The following WWOX variants were observed in gnomAD, a reference collection of about 807,000 sequenced individuals.
The protein encoded by WWOX is WW domain containing oxidoreductase.
A neutral mutation model predicts 46.2 loss-of-function variants in WWOX; 69 were observed. The ratio of observed to expected loss-of-function variants is 1.49; its 90% CI spans 1.23 to 1.82. The LOEUF is 1.82. WWOX is among the 40% of genes most tolerant of loss of function. The pLI is 0.00. For synonymous variants in WWOX, 359 were observed against 202.6 expected (o/e 1.77, Z -6.56); for missense variants, 919 against 542.6 (o/e 1.69, Z -6.89).
intron 8 of WWOX, among the ~76,000 whole-genome samples, chr16:78,483,422 ATTTTTTT>A (rs367626448): frequency 2.1e-4 from 28 of 133,900 alleles, no homozygotes; most frequent in Non-Finnish European, 3.4e-4. Context: ...TCTGCGTAGA[ATTTTTTT>A]TTTTTTTTTT....
chr16:78,526,527 C>T (rs1006210001), intron 8 of WWOX: 1 of 152,224 alleles, frequency 6.6e-6, no homozygotes, highest in Admixed American at 6.6e-5. Flanking sequence ...AACTTAATCT[C>T]CCTTTTCCAT....
At chr16:78,260,164 G>C (rs1163082667) in intron 5 of WWOX, among the ~76,000 whole-genome samples, 1 of 151,366 alleles carries the variant, frequency 6.6e-6, no homozygotes, top group Non-Finnish European at 1.5e-5. Context: ...AGCCTCCACA[G>C]GTGACACCTC....
intron 8 of WWOX, among the ~76,000 whole-genome samples, chr16:78,599,403 C>G (rs2045568695): frequency 6.6e-6 from 1 of 152,178 alleles, no homozygotes; most frequent in Non-Finnish European, 1.5e-5. Context: ...GGCCTGCTGC[C>G]CTGCCCCCGC....
At chr16:78,987,543 A>G (rs1214028067) in intron 8 of WWOX, among the ~76,000 whole-genome samples, 3 of 152,166 alleles carry the variant, frequency 2.0e-5, no homozygotes, top group Non-Finnish European at 2.9e-5. Context: ...GTGAGAGTTT[A>G]AAGCTTTCCT....
chr16:78,527,564 G>A (rs985567538), intron 8 of WWOX, among the ~76,000 whole-genome samples: 4 of 152,116 alleles, frequency 2.6e-5, no homozygotes, highest in Admixed American at 2.6e-4. Context: ...AAAGTGCTGG[G>A]ATTACAGGCA....
chr16:78,422,246 T>A (rs985802830), intron 6 of WWOX, among the ~76,000 whole-genome samples: 1 of 152,178 alleles, frequency 6.6e-6, no homozygotes, highest in Non-Finnish European at 1.5e-5. Context: ...TCCACTGTTT[T>A]AGAGAGCAGA....
At chr16:79,153,910 G>A (rs2150736871) in intron 8 of WWOX, among the ~76,000 whole-genome samples, 1 of 152,222 alleles carries the variant, frequency 6.6e-6, no homozygotes, top group Middle Eastern at 3.4e-3. Context: ...GCGTTTTCCA[G>A]GCCTGCTGTC....
At chr16:78,879,188 C>T (rs190467067) in intron 8 of WWOX, among the ~76,000 whole-genome samples, 16 of 152,230 alleles carry the variant, frequency 1.1e-4, no homozygotes, top group Non-Finnish European at 1.6e-4. Context: ...TCATCTTTCA[C>T]GGTCATAGAC....
At chr16:78,224,055 A>T (rs1354119051) in intron 5 of WWOX, among the ~76,000 whole-genome samples, 1 of 152,104 alleles carries the variant, frequency 6.6e-6, no homozygotes, top group Non-Finnish European at 1.5e-5. Context: ...CCAGGCAGGA[A>T]TGCAGTGGGG....
intron 8 of WWOX, among the ~76,000 whole-genome samples, chr16:78,691,931 C>T (rs895193499): frequency 5.9e-5 from 9 of 152,194 alleles, no homozygotes; most frequent in Non-Finnish European, 7.3e-5. Flanking sequence ...ATGCTATTCT[C>T]ATAATAGTGA....
intron 8 of WWOX, among the ~76,000 whole-genome samples, chr16:78,774,270 A>G (rs566187002): frequency 6.6e-6 from 1 of 152,246 alleles, no homozygotes; most frequent in South Asian, 2.1e-4. Flanking sequence ...GCGTGGTAGC[A>G]GGCGCCTGTA....
At position 78,561,046 on chromosome 16, in the gene WWOX, T is replaced by C. The variant is rs183505782; in HGVS notation, c.1056+128294T>C. ...TGGAGGAACATCCTTTCCTGCATGC[T>C]CTGTGGAAGAATCCACTGCCAAGCT... On this transcript the variant is annotated intron_variant, in intron 8 of 8. Transcript: ENST00000566780. 4.6e-3 allele frequency among the ~76,000 whole-genome samples: 697 copies of C among 152,292 alleles called. 6 individuals carry two copies. Among genetic ancestry groups the C allele is most frequent in the Non-Finnish European group, 7.2e-3 (492 of 68,022 alleles).
intron 6 of WWOX, among the ~76,000 whole-genome samples, chr16:78,396,567 C>A (rs1828913183): frequency 1.3e-5 from 2 of 152,168 alleles, no homozygotes; most frequent in Admixed American, 1.3e-4. Context: ...TGTCTTTTCC[C>A]ACTCCTCACA....
intron 8 of WWOX, among the ~76,000 whole-genome samples, chr16:79,060,994 G>A (rs1037468966): frequency 5.9e-5 from 9 of 152,202 alleles, no homozygotes; most frequent in Admixed American, 1.3e-4. Context: ...GCTGAAGCTT[G>A]CACAGCTAGT....
intron 8 of WWOX, among the ~76,000 whole-genome samples, chr16:78,794,402 A>C (rs2050685474): frequency 1.3e-5 from 2 of 152,178 alleles, no homozygotes; most frequent in Admixed American, 1.3e-4. Flanking sequence ...ACAAAAAACA[A>C]AATAAATAAA....
Position 78,348,112 on chromosome 16 carries a change from C to A in WWOX, c.517-38748C>A, listed in dbSNP as rs1285172525. 1.6e-5 allele frequency among the ~76,000 whole-genome samples: 2 copies of A among 122,354 alleles called. 1 individual carries two copies. The highest frequency in any genetic ancestry group is 3.9e-5 in the Non-Finnish European group (2 of 51,042). The allele number at this position is 122,354 out of a possible 152,430, so 80.3% of individuals were successfully genotyped here. On this transcript the variant is annotated intron_variant, in intron 5 of 8. Coordinates refer to ENST00000566780, the MANE Select transcript of WWOX (RefSeq NM_016373.4). ...CTTGGAAATAGTTCTTTTATTATTG[C>A]TCCCTGCAATGGGAACAGAGCTGAG...
intron 8 of WWOX, among the ~76,000 whole-genome samples, chr16:78,780,105 G>A (rs935027692): frequency 6.6e-6 from 1 of 152,046 alleles, no homozygotes; most frequent in Non-Finnish European, 1.5e-5. Flanking sequence ...CGTACTTCAG[G>A]TCCCTGTGAG....
At chr16:79,099,737 C>G (rs914104235) in intron 8 of WWOX, among the ~76,000 whole-genome samples, 3 of 152,124 alleles carry the variant, frequency 2.0e-5, no homozygotes, top group Non-Finnish European at 2.9e-5. Context: ...GTGTACAAAT[C>G]TCTAATTTGA....
intron 8 of WWOX, among the ~76,000 whole-genome samples, chr16:78,678,520 G>C (rs1025470717): frequency 5.3e-5 from 8 of 152,202 alleles, no homozygotes; most frequent in African/African-American, 1.9e-4. Flanking sequence ...GGAAGGAAAA[G>C]CTGGGCAAGG....
Sources: gnomAD v4.1 joint callset for allele counts (sites outside exome capture counted in the v4.1 genomes callset) on GRCh38, gnomAD v4.1.1 for gene constraint, MANE v1.5 for transcripts, NCBI Gene and HGNC (gene_info 2026-07-23, HGNC 2026-07-21) for gene names.